Variants in FREM2 observed in about 807,000 individuals in gnomAD.
The protein encoded by FREM2 is FRAS1 related extracellular matrix 2, also known as FRAS1-related extracellular matrix protein 2.
Under a neutral mutation model 219.9 loss-of-function variants are expected in FREM2, and 119 were observed. That is an observed-to-expected ratio of 0.54 (90% CI 0.47 to 0.63). FREM2 has a LOEUF of 0.63. Among genes scored for constraint, FREM2 ranks in the 30% least tolerant of loss-of-function variants. FREM2 has a pLI of 0.00. For missense variants in FREM2, 4,030 were observed against 3,993.6 expected (o/e 1.01, Z -0.25); for synonymous variants, 1,562 against 1,522.8 (o/e 1.03, Z -0.60).
intron 12 of FREM2, 108 bp from the exon 13 acceptor site, chr13:38,857,767 C>G (rs1424508276): frequency 1.1e-6 from 1 of 931,470 alleles, no homozygotes; most frequent in Non-Finnish European, 1.7e-6. Context: ...CAATTTGCAT[C>G]ATAACGAGGC....
intron 6 of FREM2, among the ~76,000 whole-genome samples, chr13:38,842,379 G>A (rs1876994314): frequency 6.6e-6 from 1 of 152,166 alleles, no homozygotes; most frequent in Non-Finnish European, 1.5e-5. Context: ...ATTGCCTACA[G>A]CTGGATTAGT....
chr13:38,725,985 G>A (rs1305074780), intron 2 of FREM2, among the ~76,000 whole-genome samples: 1 of 152,150 alleles, frequency 6.6e-6, no homozygotes, highest in Non-Finnish European at 1.5e-5. Flanking sequence ...TTATTCTTCA[G>A]GTATCTTGAA....
At chr13:38,858,832 C>T (rs547992414) in intron 13 of FREM2, among the ~76,000 whole-genome samples, 1 of 151,872 alleles carries the variant, frequency 6.6e-6, no homozygotes, top group African/African-American at 2.4e-5. Context: ...ACAGGGCAGT[C>T]GTGTGTCAGT....
In FREM2 at chr13:38,848,608, T is replaced by C. The variant is rs565829782; in HGVS notation, c.6317T>C (p.Met2106Thr). Reference protein sequence around the residue: ...EKFELVLRMPMNAALGEPSKA... With the variant: ...EKFELVLRMPTNAALGEPSKA... ...TTTGAACTGGTGCTTCGCATGCCTA[T>C]GAACGCAGCCCTTGGCGAGCCCAGC... Residue 2106 changes from methionine (M) to threonine (T), a missense_variant, in exon 8 of 24, where the codon ATG (methionine) becomes ACG (threonine). Met to Thr is a moderately conservative substitution (Grantham distance 81, BLOSUM62 -1). Coordinates refer to ENST00000280481, the MANE Select transcript of FREM2 (RefSeq NM_207361.6). 13 of 1,614,074 alleles carry C rather than the reference T, an allele frequency of 8.1e-6. No individual in the cohort carries two copies. In the South Asian group the frequency reaches 1.3e-4, roughly 16 times the overall value.
At chr13:38,722,361 A>AATATAT (rs10689108) in intron 2 of FREM2, among the ~76,000 whole-genome samples, 111 of 149,960 alleles carry the variant, frequency 7.4e-4, no homozygotes, top group African/African-American at 2.4e-3. Flanking sequence ...CGTCCAGCCC[A>AATATAT]ATATATATAT....
At chr13:38,760,763 A>T (rs1873196274) in intron 2 of FREM2, among the ~76,000 whole-genome samples, 1 of 152,192 alleles carries the variant, frequency 6.6e-6, no homozygotes, top group African/African-American at 2.4e-5. Context: ...ATGTTTTTCT[A>T]ACAATAAGTT....
chr13:38,687,721 G>T lies in FREM2; in HGVS notation c.377G>T (p.Arg126Leu), dbSNP rs757356703. 2 of 1,552,444 alleles carry T rather than the reference G, an allele frequency of 1.3e-6. No homozygotes were observed. Among genetic ancestry groups the T allele is most frequent in the East Asian group, 2.3e-5 (1 of 44,126 alleles). ...CGACCGGGCCGCCTGAGTCCCAAGC[G>T]CTTCCCGTGCGACTTTGGCCCTGGC... ...AQRPGRLSPK[R>L]FPCDFGPGEV... Residue 126 changes from arginine (R) to leucine (L), a missense_variant, in exon 1 of 24, where the codon CGC becomes CTC. By Grantham distance (102) the Arg-to-Leu change is moderately radical. Around this residue, in one of 2 missense-constraint regions of FREM2, gnomAD observed 3,102 missense variants for 2,950.7 expected, o/e 1.05. Transcript: ENST00000280481.
At chr13:38,845,138 G>A (rs1375230924) in intron 6 of FREM2, among the ~76,000 whole-genome samples, 1 of 152,134 alleles carries the variant, frequency 6.6e-6, no homozygotes, top group East Asian at 1.9e-4. Context: ...AATTTGAAGG[G>A]GCTGTATGAT....
intron 6 of FREM2, among the ~76,000 whole-genome samples, chr13:38,845,362 A>T (rs1172750618): frequency 6.6e-6 from 1 of 152,160 alleles, no homozygotes; most frequent in Non-Finnish European, 1.5e-5. Flanking sequence ...GTTGCTCTGA[A>T]ACATGATATC....
intron 6 of FREM2, among the ~76,000 whole-genome samples, chr13:38,811,893 T>C (rs1875491693): frequency 6.6e-6 from 1 of 152,202 alleles, no homozygotes; most frequent in Admixed American, 6.6e-5. Flanking sequence ...ATGTGAAGAC[T>C]TGAAGTCTCT....
chr13:38,859,360 T>C lies in FREM2; in HGVS notation c.7289T>C (p.Leu2430Ser), dbSNP rs778557024. The C allele has an allele frequency of 6.2e-7, 1 of 1,614,090 alleles. No homozygotes were observed. Reference protein sequence around the residue: ...ICASENINDTLTRYRWLISAP... With the variant: ...ICASENINDTSTRYRWLISAP... ...GCAAGTGAGAACATCAATGACACTT[T>C]GACGCGGTACCGGTGGCTGATTAGT... Residue 2430 changes from leucine (L) to serine (S), a missense_variant, in exon 14 of 24, where the codon TTG (leucine) becomes TCG (serine). Leu to Ser is a moderately radical substitution (Grantham distance 145, BLOSUM62 -2). Transcript: ENST00000280481.
At chr13:38,701,146 T>C (rs1424420197) in intron 2 of FREM2, among the ~76,000 whole-genome samples, 1 of 152,062 alleles carries the variant, frequency 6.6e-6, no homozygotes, top group Non-Finnish European at 1.5e-5. Flanking sequence ...TTAAAATGAT[T>C]ATTTTATAAT....
chr13:38,708,675 TA>T (rs942814677), intron 2 of FREM2, among the ~76,000 whole-genome samples: 1 of 151,938 alleles, frequency 6.6e-6, no homozygotes, highest in South Asian at 2.1e-4. Flanking sequence ...AAATAATCTT[TA>T]AAAAAAGTCT....
chr13:38,846,075 C>A (rs186875677), intron 6 of FREM2, among the ~76,000 whole-genome samples: 53 of 152,228 alleles, frequency 3.5e-4, no homozygotes, highest in African/African-American at 1.2e-3. Context: ...TAGGTTCTAA[C>A]CCTTGTGATT....
intron 18 of FREM2, among the ~76,000 whole-genome samples, chr13:38,875,561 C>G (rs1435295238): frequency 6.6e-6 from 1 of 152,172 alleles, no homozygotes; most frequent in Non-Finnish European, 1.5e-5. Context: ...TGATTGCAGG[C>G]AATCTAACTA....
intron 10 of FREM2, 48 bp from the exon 11 acceptor site, chr13:38,851,638 A>T (rs1359630032): frequency 7.4e-7 from 1 of 1,350,278 alleles, no homozygotes; most frequent in Admixed American, 1.7e-5. Flanking sequence ...GAGGAAAAGC[A>T]TTCCCCTTAC....
In FREM2 at chr13:38,851,865, G is replaced by A; in HGVS notation, c.6922G>A (p.Glu2308Lys). The part of the protein sequence containing the change: ...TSGEDYHPVS[E>K]EIEFKEGETQ... ...TGGAGAAGACTACCACCCTGTGTCAGAAGGTATGGGGCTCCCAGGGCCTGT... is the reference window on the plus strand; with the variant it reads ...TGGAGAAGACTACCACCCTGTGTCAAAAGGTATGGGGCTCCCAGGGCCTGT... The change falls in exon 11 of 24, where the codon GAA becomes AAA. Residue 2308 changes from glutamate (E) to lysine (K), a missense_variant. By Grantham distance (56) the Glu-to-Lys change is moderately conservative. This residue lies in a region of FREM2 where 3,102 missense variants were observed against 2,950.7 expected (regional missense o/e 1.05). Coordinates refer to ENST00000280481, the MANE Select transcript of FREM2 (RefSeq NM_207361.6). The A allele has an allele frequency of 6.2e-7, 1 of 1,613,532 alleles. No individual in the cohort carries two copies.
At chr13:38,787,462 A>G (rs191013810) in intron 6 of FREM2, among the ~76,000 whole-genome samples, 1 of 152,154 alleles carries the variant, frequency 6.6e-6, no homozygotes, top group Non-Finnish European at 1.5e-5. Flanking sequence ...TTCCATTGCC[A>G]CCAATTTAAC....
At chr13:38,723,526 A>G (rs1421862025) in intron 2 of FREM2, among the ~76,000 whole-genome samples, 1 of 152,142 alleles carries the variant, frequency 6.6e-6, no homozygotes, top group Non-Finnish European at 1.5e-5. Flanking sequence ...ACATGTGTGG[A>G]AAAGATTTTT....
Sources: gnomAD v4.1 joint callset for allele counts (sites outside exome capture counted in the v4.1 genomes callset) on GRCh38, gnomAD v4.1.1 for gene constraint, gnomAD v4.1.1 regional missense constraint, MANE v1.5 for transcripts, NCBI Gene and HGNC (gene_info 2026-07-23, HGNC 2026-07-21) for gene names.